The following IFIT1 variants were observed in gnomAD, a reference collection of about 807,000 sequenced individuals.
The protein encoded by IFIT1 is interferon induced protein with tetratricopeptide repeats 1.
Under a neutral mutation model 2.5 loss-of-function variants are expected in IFIT1, and 1 was observed. The observed-to-expected ratio is 0.40, with a 90% CI of 0.14 to 1.92. The LOEUF (loss-of-function observed/expected upper bound fraction) is 1.92, where lower values mean the gene tolerates loss of function less well. IFIT1 is among the 40% of genes most tolerant of loss of function. The pLI is 0.31. For synonymous variants in IFIT1, 191 were observed against 201.7 expected (o/e 0.95, Z 0.45); for missense variants, 508 against 557.8 (o/e 0.91, Z 0.90).
chr10:89,402,818 T>G lies in IFIT1; in HGVS notation c.543T>G (p.Tyr181Ter). The G allele has an allele frequency of 6.2e-7, 1 of 1,614,222 alleles. No homozygotes were observed. The highest frequency in any genetic ancestry group is 8.5e-7 in the Non-Finnish European group (1 of 1,180,044). Reference sequence around the variant, plus strand: ...AAAACCCTGAATCCAGCGCTGGGTATGCGATCTCTGCCTATCGCCTGGATG... The same window carrying G: ...AAAACCCTGAATCCAGCGCTGGGTAGGCGATCTCTGCCTATCGCCTGGATG... ...DPENPESSAG[Y>*]AISAYRLDGF... The change falls in exon 2 of 2, where the codon TAT becomes TAG. Residue 181 changes from tyrosine (Y) to a stop codon, truncating the protein, a stop_gained. Transcript: ENST00000371804. LOFTEE classifies it low-confidence loss of function (END_TRUNC).
In IFIT1 at chr10:89,403,663, C is replaced by T. The variant is rs749646750; in HGVS notation, c.1388C>T (p.Ala463Val). Residue 463 changes from alanine to valine, a missense_variant, in exon 2 of 2, where the codon GCC becomes GTC. Ala to Val is a moderately conservative substitution (Grantham distance 64, BLOSUM62 0). Transcript: ENST00000371804. ...MNEALEYYERALRLAADFENS... is the reference protein window; with the variant it reads ...MNEALEYYERVLRLAADFENS... ...GAAGCCCTGGAGTACTATGAGCGGG[C>T]CCTGAGACTGGCTGCTGACTTTGAG... The T allele has an allele frequency of 5.0e-6, 8 of 1,606,296 alleles. No individual in the cohort carries two copies. The Admixed American group carries it at 1.0e-4, about 21-fold the overall frequency.
chr10:89,399,041 C>CT (rs58350045), intron 1 of IFIT1, among the ~76,000 whole-genome samples: 51,754 of 151,276 alleles, frequency 0.34, 10,068 homozygotes, highest in East Asian at 0.61. Flanking sequence ...TTATATCCTG[C>CT]TTTTTTTTTA....
At chr10:89,399,477 T>C (rs1215738941) in intron 1 of IFIT1, among the ~76,000 whole-genome samples, 1 of 152,214 alleles carries the variant, frequency 6.6e-6, no homozygotes, top group Non-Finnish European at 1.5e-5. Flanking sequence ...CAAAGCTTTT[T>C]CCTTTCTTCT....
chr10:89,393,378 G>C, intron 1 of IFIT1: 1 of 1,057,274 alleles, frequency 9.5e-7, no homozygotes, highest in South Asian at 1.5e-5. Flanking sequence ...CATCTGCTTG[G>C]GAAGATCCGT....
rs1449627963 is a variant in IFIT1, at chr10:89,404,769, A to T, written c.*1057A>T. On this transcript the variant is annotated 3_prime_UTR_variant, in exon 2 of 2. Coordinates refer to ENST00000371804, the MANE Select transcript of IFIT1 (RefSeq NM_001548.5). ...CAGGAGTTCGAGAGCAGCCTTGGCA[A>T]TGGCAAAACCAACCGTCTCTACAAA... The T allele has an allele frequency of 6.6e-6, 1 of 152,268 alleles. No homozygotes were observed. The highest frequency in any genetic ancestry group is 1.9e-4 in the East Asian group (1 of 5,190). 9.4% of individuals were successfully genotyped at this position (152,268 alleles called of 1,614,324 possible). A position where few individuals can be genotyped will look rare whatever the true frequency, so the allele number is the denominator to read the frequency against.
chr10:89,394,583 T>A (rs1432263946), intron 1 of IFIT1, among the ~76,000 whole-genome samples: 2 of 18,118 alleles, frequency 1.1e-4, no homozygotes, highest in African/African-American at 6.4e-4. Flanking sequence ...GGAAAATATA[T>A]ATATATATAT....
chr10:89,402,056 A>G (rs1271796806), intron 1 of IFIT1, among the ~76,000 whole-genome samples: 1 of 152,248 alleles, frequency 6.6e-6, no homozygotes, highest in Admixed American at 6.5e-5. Flanking sequence ...AATAGGACTC[A>G]TAAGTACAGA....
At chr10:89,393,845 C>A (rs1423414786) in intron 1 of IFIT1, among the ~76,000 whole-genome samples, 1 of 152,194 alleles carries the variant, frequency 6.6e-6, no homozygotes, top group East Asian at 1.9e-4. Context: ...ATGCACATTA[C>A]AGGCCTATGA....
In IFIT1 at chr10:89,403,431, C is replaced by A; in HGVS notation, c.1156C>A (p.Arg386=). ...TMQDIHFHYG[R]FQEFQKKSDV... ...GCAAGACATACATTTCCACTATGGT[C>A]GGTTTCAGGAATTTCAAAAGAAATC... Residue 386 remains arginine, a synonymous_variant, in exon 2 of 2, where the codon CGG becomes AGG. Coordinates refer to ENST00000371804, the MANE Select transcript of IFIT1 (RefSeq NM_001548.5). 1 of 1,613,704 alleles carries A rather than the reference C, an allele frequency of 6.2e-7. No individual in the cohort carries two copies. Among genetic ancestry groups the A allele is most frequent in the South Asian group, 1.1e-5 (1 of 90,912 alleles).
chr10:89,393,626 A>T (rs1844291044), intron 1 of IFIT1, among the ~76,000 whole-genome samples: 2 of 152,240 alleles, frequency 1.3e-5, no homozygotes, highest in Non-Finnish European at 2.9e-5. Flanking sequence ...GCTACTTGGG[A>T]GGCTGAGGCA....
At position 89,396,426 on chromosome 10, in the gene IFIT1, A is replaced by C. The variant is rs114344830; in HGVS notation, c.5+3709A>C. On this transcript the variant is annotated intron_variant, in intron 1 of 1. Coordinates refer to ENST00000371804, the MANE Select transcript of IFIT1 (RefSeq NM_001548.5). ...GGGCTTTGGTGCTGTGTCAAAACAC[A>C]CTGGAGAAGGTCAAAGGGGAAGCAC... Among the ~76,000 whole-genome samples, 1,166 of 152,298 alleles carry C rather than the reference A, an allele frequency of 7.7e-3. 12 individuals are homozygous for C. The highest frequency in any genetic ancestry group is 0.026 in the African/African-American group (1,084 of 41,550).
intron 1 of IFIT1, chr10:89,393,084 A>G (rs967505187): frequency 8.1e-7 from 1 of 1,232,540 alleles, no homozygotes; most frequent in African/African-American, 1.5e-5. Flanking sequence ...AGCTTGTCTG[A>G]GTAGAGGCAT....
chr10:89,403,721 A>C lies in IFIT1; in HGVS notation c.*9A>C, dbSNP rs1844482303. ...TGAGACAAGGTCCTTAGGCACCCAG[A>C]TATCAGCCACTTTCACATTTCATTT... On this transcript the variant is annotated 3_prime_UTR_variant, in exon 2 of 2. Transcript: ENST00000371804. 7.0e-7 allele frequency: 1 copy of C among 1,430,950 alleles called. No homozygotes were observed. Among genetic ancestry groups the C allele is most frequent in the South Asian group, 1.3e-5 (1 of 79,262 alleles). 88.6% of individuals were successfully genotyped at this position (1,430,950 alleles called of 1,614,324 possible).
intron 1 of IFIT1, chr10:89,393,286 T>G (rs1844284977): frequency 1.6e-6 from 2 of 1,289,668 alleles, no homozygotes; most frequent in Admixed American, 4.6e-5. Flanking sequence ...GTTTTCGCAA[T>G]CAGGCTGAGC....
In IFIT1 at chr10:89,403,595, G is replaced by T; in HGVS notation, c.1320G>T (p.Leu440Phe). 1 of 1,614,088 alleles carries T rather than the reference G, an allele frequency of 6.2e-7. No homozygotes were observed. The highest frequency in any genetic ancestry group is 8.5e-7 in the Non-Finnish European group (1 of 1,179,966). The change falls in exon 2 of 2, where the codon TTG (leucine) becomes TTT (phenylalanine). Residue 440 changes from leucine to phenylalanine, a missense_variant. By Grantham distance (22) the Leu-to-Phe change is conservative. Transcript: ENST00000371804. ...GAAAGGCATTAGATCTGGAAAGCTT[G>T]AGCCTCCTTGGGTTCGTCTACAAAT... ...LRRKALDLES[L>F]SLLGFVYKLE...
rs1230179047 is a variant in IFIT1 at position 89,405,872 on chromosome 10, G to C, written c.*2160G>C. On this transcript the variant is annotated 3_prime_UTR_variant, in exon 2 of 2. Coordinates refer to ENST00000371804, the MANE Select transcript of IFIT1 (RefSeq NM_001548.5). ...AAGTAGCATGTTCACAGGTTCTGGA[G>C]ACTTGGCCATGGATACGATTGCGGG... is the stretch of plus-strand genomic sequence containing the variant. 2.6e-5 allele frequency: 4 copies of C among 152,058 alleles called. No individual in the cohort carries two copies. The highest frequency in any genetic ancestry group is 9.7e-5 in the African/African-American group (4 of 41,376). 9.4% of individuals were successfully genotyped at this position (152,058 alleles called of 1,614,324 possible).
At chr10:89,393,755 C>T (rs553274403) in intron 1 of IFIT1, among the ~76,000 whole-genome samples, 2 of 152,082 alleles carry the variant, frequency 1.3e-5, no homozygotes, top group Non-Finnish European at 2.9e-5. Context: ...AACAAAAAAT[C>T]CATTACTTAA....
chr10:89,400,321 T>C (rs941348642), intron 1 of IFIT1, among the ~76,000 whole-genome samples: 1 of 152,224 alleles, frequency 6.6e-6, no homozygotes, highest in South Asian at 2.1e-4. Flanking sequence ...AAAATGTCAT[T>C]GGGATTTTTA....
At position 89,405,919 on chromosome 10, in the gene IFIT1, G is replaced by A. The variant is rs1844523143; in HGVS notation, c.*2207G>A. 6.6e-6 allele frequency: 1 copy of A among 152,048 alleles called. No individual in the cohort carries two copies. Among genetic ancestry groups the A allele is most frequent in the African/African-American group, 2.4e-5 (1 of 41,382 alleles). 9.4% of individuals were successfully genotyped at this position (152,048 alleles called of 1,614,324 possible). On this transcript the variant is annotated 3_prime_UTR_variant, in exon 2 of 2. Transcript: ENST00000371804. ...CGGGGGGGGCATTATTCTTACCACAGAGCACCCCAAGAAAATCTCCAAATT... is the reference window on the plus strand; with the variant it reads ...CGGGGGGGGCATTATTCTTACCACAAAGCACCCCAAGAAAATCTCCAAATT...
Sources: allele counts gnomAD v4.1 joint callset (sites outside exome capture counted in the v4.1 genomes callset), GRCh38; gene constraint gnomAD v4.1.1; transcripts MANE v1.5; gene names NCBI Gene and HGNC (gene_info 2026-07-23, HGNC 2026-07-21).